ZNF177: variants seen among roughly 807,000 people sequenced by gnomAD.
ZNF177 encodes zinc finger protein 177.
In ZNF177, 17 loss-of-function variants were observed where a neutral mutation model predicts 19.4. That is an observed-to-expected ratio of 0.87 (90% CI 0.60 to 1.31). The LOEUF is 1.31. Among genes scored for constraint, ZNF177 ranks in the 40% most tolerant of loss-of-function variants. The pLI, the probability that ZNF177 is intolerant of heterozygous loss-of-function variation, is 0.00. For synonymous variants in ZNF177, 220 were observed against 188.7 expected, an observed-to-expected ratio of 1.17 and a Z score of -1.36; for missense variants, 633 against 561.8, an observed-to-expected ratio of 1.13 and a Z score of -1.28.
chr19:9,368,078 A>G (rs917207887), intron 2 of ZNF177, among the ~76,000 whole-genome samples: 10 of 152,200 alleles, frequency 6.6e-5, no homozygotes, highest in African/African-American at 2.4e-4. Context: ...GCCTTTGAGC[A>G]TGGTGTTTTT....
At chr19:9,368,651 A>G (rs2068010556) in intron 2 of ZNF177, among the ~76,000 whole-genome samples, 1 of 152,054 alleles carries the variant, frequency 6.6e-6, no homozygotes, top group African/African-American at 2.4e-5. Flanking sequence ...TTTTTTTCCT[A>G]AGGACCAGTT....
At chr19:9,380,006 TGATCCCA>T in intron 4 of ZNF177, 44 bp from the exon 7 acceptor site, 1 of 1,584,210 alleles carries the variant, frequency 6.3e-7, no homozygotes, top group Non-Finnish European at 8.5e-7. Context: ...CCTTTTTCTT[TGATCCCA>T]ACCTTTTCTC....
chr19:9,378,546 A>G (rs2068143818), intron 2 of ZNF177: 1 of 856,972 alleles, frequency 1.2e-6, no homozygotes, highest in African/African-American at 1.7e-5. Flanking sequence ...ATATTCTTCC[A>G]TATTTTTGAG....
chr19:9,371,443 C>T (rs1191137403), upstream of ZNF177, among the ~76,000 whole-genome samples: 2 of 151,996 alleles, frequency 1.3e-5, no homozygotes, highest in Non-Finnish European at 2.9e-5. Context: ...CATTGCTTAA[C>T]CTGGTTATCT....
upstream of ZNF177, among the ~76,000 whole-genome samples, chr19:9,373,480 G>A (rs2068072847): frequency 3.3e-5 from 5 of 152,288 alleles, 1 homozygote; most frequent in South Asian, 1.0e-3. Context: ...AGGATTGCTA[G>A]ATCATATGGT....
At chr19:9,375,807 GTC>G (rs1484978560), upstream of ZNF177, among the ~76,000 whole-genome samples, 4 of 151,920 alleles carry the variant, frequency 2.6e-5, no homozygotes, top group African/African-American at 9.7e-5. Context: ...TGTCTTCCTA[GTC>G]TCTCATTTAT....
chr19:9,366,222 G>A (rs555097359), intron 2 of ZNF177, among the ~76,000 whole-genome samples: 2 of 152,158 alleles, frequency 1.3e-5, no homozygotes, highest in South Asian at 4.2e-4. Flanking sequence ...ACCTCGTGAT[G>A]CGCCCACCTT....
intron 2 of ZNF177, among the ~76,000 whole-genome samples, chr19:9,369,900 G>A (rs539454244): frequency 2.6e-5 from 4 of 152,070 alleles, no homozygotes; most frequent in Non-Finnish European, 5.9e-5. Context: ...ATATTATTTA[G>A]TATTAGGATT....
intron 2 of ZNF177, among the ~76,000 whole-genome samples, chr19:9,370,270 T>C (rs78635780): frequency 0.021 from 3,209 of 152,228 alleles, 111 homozygotes; most frequent in African/African-American, 0.073. Flanking sequence ...AAATTCCTTA[T>C]ATAAAATAGC....
chr19:9,381,696 T>G, exon 6 of ZNF177: 1 of 1,614,148 alleles, frequency 6.2e-7, no homozygotes, highest in South Asian at 1.1e-5. Flanking sequence ...ATAAATGTAT[T>G]CAGTGTGAAA....
intron 5 of ZNF177, 79 bp downstream of exon 7, chr19:9,380,218 A>G (rs1023351056): frequency 5.4e-5 from 79 of 1,456,976 alleles, no homozygotes; most frequent in Non-Finnish European, 4.8e-5. Flanking sequence ...TCAGCACCCA[A>G]AGCAGGGGTA....
chr19:9,365,134 G>T (rs1295406419), intron 2 of ZNF177, among the ~76,000 whole-genome samples, 186 bp downstream of exon 2: 1 of 152,114 alleles, frequency 6.6e-6, no homozygotes, highest in Non-Finnish European at 1.5e-5. Flanking sequence ...AATTCCAGTG[G>T]GTCTTTGCTG....
At chr19:9,371,241 G>T (rs2068043959) in intron 2 of ZNF177, among the ~76,000 whole-genome samples, 1 of 151,904 alleles carries the variant, frequency 6.6e-6, no homozygotes, top group South Asian at 2.1e-4. Context: ...TTTACATTTG[G>T]TTTGTTCAAA....
intron 1 of ZNF177, 37 bp from the exon 4 acceptor site, chr19:9,378,222 A>G: frequency 6.5e-7 from 1 of 1,547,680 alleles, no homozygotes; most frequent in Non-Finnish European, 8.7e-7. Flanking sequence ...AACATCTAGC[A>G]GGCCTAGACT....
chr19:9,370,888 C>G (rs1458992225), intron 2 of ZNF177, among the ~76,000 whole-genome samples: 1 of 152,178 alleles, frequency 6.6e-6, no homozygotes, highest in Non-Finnish European at 1.5e-5. Flanking sequence ...GTCCTTAACA[C>G]CCAGCTTTGA....
chr19:9,367,065 A>G (rs1162085487), intron 2 of ZNF177, among the ~76,000 whole-genome samples: 1 of 152,230 alleles, frequency 6.6e-6, no homozygotes. Flanking sequence ...TCACGCCTGT[A>G]ATCCCAGCAC....
chr19:9,371,273 A>G (rs922903992), intron 2 of ZNF177, among the ~76,000 whole-genome samples: 1 of 152,032 alleles, frequency 6.6e-6, no homozygotes, highest in East Asian at 1.9e-4. Flanking sequence ...ACAGGGTCCC[A>G]ACATTTTTTT....
At chr19:9,377,261 C>T (rs994338157) in intron 1 of ZNF177, among the ~76,000 whole-genome samples, 1 of 152,072 alleles carries the variant, frequency 6.6e-6, no homozygotes, top group South Asian at 2.1e-4. Flanking sequence ...TGGTTATGTA[C>T]AGTAGATTAT....
At chr19:9,379,115 G>C (rs2068152524) in intron 3 of ZNF177, 27 bp downstream of exon 5, 2 of 1,577,656 alleles carry the variant, frequency 1.3e-6, no homozygotes, top group African/African-American at 1.4e-5. Flanking sequence ...TTCTTCATTT[G>C]TTTATGTAGC....
Sources: gnomAD v4.1 joint callset for allele counts (sites outside exome capture counted in the v4.1 genomes callset) on GRCh38, gnomAD v4.1.1 for gene constraint, MANE v1.5 for transcripts, NCBI Gene and HGNC (gene_info 2026-07-23, HGNC 2026-07-21) for gene names.